Variants in CCDC171 observed in about 807,000 individuals in gnomAD.
CCDC171 encodes coiled-coil domain-containing protein 171.
Under a neutral mutation model 168.2 loss-of-function variants are expected in CCDC171, and 177 were observed. The observed-to-expected ratio is 1.05, with a 90% CI of 0.93 to 1.19. CCDC171 has a LOEUF of 1.19. Among genes scored for constraint, CCDC171 ranks in the 50% most tolerant of loss-of-function variants. The probability of loss-of-function intolerance (pLI) is 0.00; values close to 1 mark genes in which losing one functional copy is unlikely to be tolerated. For synonymous variants in CCDC171, 687 were observed against 540.8 expected (o/e 1.27, Z -3.75); for missense variants, 1,991 against 1,539.0 (o/e 1.29, Z -4.91).
chr9:15,954,143 C>G (rs577949545), intron 25 of CCDC171, among the ~76,000 whole-genome samples: 59 of 138,688 alleles, frequency 4.3e-4, no homozygotes, highest in Non-Finnish European at 5.8e-4. Flanking sequence ...ATTTCCTCTA[C>G]TTACTTTCTT....
At chr9:16,093,957 G>T in the CCDC171 span, among the ~76,000 whole-genome samples, 6 of 152,156 alleles carry the variant, frequency 3.9e-5, no homozygotes, top group African/African-American at 9.7e-5. Context: ...AGTGCTCCCC[G>T]TTGGCCATGT....
intron 6 of CCDC171, among the ~76,000 whole-genome samples, chr9:16,024,125 C>T (rs1425724308): frequency 1.3e-5 from 2 of 152,068 alleles, no homozygotes; most frequent in South Asian, 2.1e-4. Flanking sequence ...TAGAGTCTCA[C>T]CTAGATCCTC....
chr9:15,814,420 T>C (rs2059480629), intron 21 of CCDC171, among the ~76,000 whole-genome samples: 1 of 152,174 alleles, frequency 6.6e-6, no homozygotes. Flanking sequence ...AATGAAAATT[T>C]AGGAAATGAT....
chr9:15,658,996 C>G (rs1030764333), intron 8 of CCDC171, among the ~76,000 whole-genome samples: 1 of 152,150 alleles, frequency 6.6e-6, no homozygotes, highest in South Asian at 2.1e-4. Context: ...TAGAAGAGAA[C>G]ACCAAGGTTT....
chr9:16,067,244 G>A, the CCDC171 span, among the ~76,000 whole-genome samples: 48 of 152,034 alleles, frequency 3.2e-4, no homozygotes, highest in Middle Eastern at 0.014. Flanking sequence ...GTGTTTTTTG[G>A]CTGTATAAAT....
intron 21 of CCDC171, among the ~76,000 whole-genome samples, chr9:15,813,113 T>TCAAGCCCATTTCCTTCTC (rs2059426077): frequency 6.6e-6 from 1 of 152,246 alleles, no homozygotes; most frequent in Non-Finnish European, 1.5e-5. Flanking sequence ...TAACTGTTCT[T>TCAAGCCCATTTCCTTCTC]CAAGCCCATT....
Position 15,748,951 on chromosome 9 carries a change from A to T in CCDC171, c.2671+3320A>T, listed in dbSNP as rs559788163. 2.0e-4 allele frequency among the ~76,000 whole-genome samples: 30 copies of T among 152,312 alleles called. No individual in the cohort carries two copies. In the South Asian group the frequency reaches 6.2e-3, roughly 32 times the overall value. Reference sequence around the variant, plus strand: ...AGCTAACATCATAATGACAGGATCAAATTCACATATAACAATATTAACCTT... The same window carrying T: ...AGCTAACATCATAATGACAGGATCATATTCACATATAACAATATTAACCTT... On this transcript the variant is annotated intron_variant, in intron 18 of 25. Transcript: ENST00000380701.
chr9:15,593,861 A>G (rs902522276), intron 5 of CCDC171, among the ~76,000 whole-genome samples, 180 bp from the exon 6 acceptor site: 2 of 151,940 alleles, frequency 1.3e-5, no homozygotes, highest in South Asian at 2.1e-4. Flanking sequence ...TTAAATAAAC[A>G]TAGTTTCTCA....
At chr9:15,866,531 A>T (rs557966534) in intron 23 of CCDC171, among the ~76,000 whole-genome samples, 26 of 152,094 alleles carry the variant, frequency 1.7e-4, no homozygotes, top group Non-Finnish European at 3.4e-4. Context: ...TTTTTGCTTT[A>T]ATTATTTTTA....
chr9:15,623,246 C>T, intron 6 of CCDC171, 21 bp from the exon 7 acceptor site: 1 of 1,535,746 alleles, frequency 6.5e-7, no homozygotes, highest in Non-Finnish European at 8.8e-7. Flanking sequence ...TTTATTGATG[C>T]AAAAATGAAT....
At chr9:15,653,876 C>T (rs1414727306) in intron 7 of CCDC171, among the ~76,000 whole-genome samples, 1 of 151,512 alleles carries the variant, frequency 6.6e-6, no homozygotes, top group Admixed American at 6.6e-5. Context: ...CTCAGCTTCC[C>T]AAAGTGACGG....
chr9:15,777,745 G>T lies in CCDC171; in HGVS notation c.2817G>T (p.Leu939=). 6.2e-7 allele frequency: 1 copy of T among 1,613,984 alleles called. No individual in the cohort carries two copies. Among genetic ancestry groups the T allele is most frequent in the Non-Finnish European group, 8.5e-7 (1 of 1,179,996 alleles). ...RSITYVEKDS[L]VQRLAHGLHK... ...TTACATATGTAGAAAAAGATTCCCT[G>T]GTTCAGAGGCTGGCCCATGGACTTC... is the stretch of plus-strand genomic sequence containing the variant. Residue 939 remains leucine, a synonymous_variant, in exon 19 of 26, where the codon CTG becomes CTT. Coordinates refer to ENST00000380701, the MANE Select transcript of CCDC171 (RefSeq NM_173550.4).
At chr9:16,013,267 C>G (rs1012777795) in intron 3 of CCDC171, among the ~76,000 whole-genome samples, 2 of 152,192 alleles carry the variant, frequency 1.3e-5, no homozygotes, top group Non-Finnish European at 2.9e-5. Context: ...ATCACAGCCT[C>G]TCCAGTCAGG....
chr9:15,898,799 C>T (rs1821251152), intron 24 of CCDC171, among the ~76,000 whole-genome samples: 1 of 152,096 alleles, frequency 6.6e-6, no homozygotes, highest in East Asian at 1.9e-4. Context: ...TTATATCTTA[C>T]ATCAGTTTAG....
chr9:15,605,601 C>T (rs1330039335), intron 6 of CCDC171, among the ~76,000 whole-genome samples: 2 of 149,514 alleles, frequency 1.3e-5, no homozygotes, highest in South Asian at 2.1e-4. Flanking sequence ...GCAGGAGAAT[C>T]GCTTGAACCC....
At position 15,874,641 on chromosome 9, in the gene CCDC171, G is replaced by A; in HGVS notation, c.3578G>A (p.Gly1193Glu). 2 of 1,588,152 alleles carry A rather than the reference G, an allele frequency of 1.3e-6. No homozygotes were observed. Among genetic ancestry groups the A allele is most frequent in the South Asian group, 1.2e-5 (1 of 86,936 alleles). The change falls in exon 24 of 26, where the codon GGG becomes GAG. Residue 1193 changes from glycine to glutamate, a missense_variant. By Grantham distance (98) the Gly-to-Glu change is moderately conservative. Coordinates refer to ENST00000380701, the MANE Select transcript of CCDC171 (RefSeq NM_173550.4). ...ETFAMEGLKG[G>E]PEVVACQAMI... ...TTTGCAATGGAGGGGCTCAAGGGCGGGCCAGAGGTGGTAGCATGCCAGGTT... is the reference window on the plus strand; with the variant it reads ...TTTGCAATGGAGGGGCTCAAGGGCGAGCCAGAGGTGGTAGCATGCCAGGTT...
rs1226920675 is a variant in CCDC171, at chr9:15,745,750, T to G, written c.2671+119T>G. The G allele has an allele frequency of 1.0e-5, 6 of 580,932 alleles. 1 individual carries two copies. The highest frequency in any genetic ancestry group is 1.8e-5 in the Non-Finnish European group (6 of 341,624). The allele number at this position is 580,932 out of a possible 1,614,324, so 36.0% of individuals were successfully genotyped here. A position where few individuals can be genotyped will look rare whatever the true frequency, so the allele number is the denominator to read the frequency against. On this transcript the variant is annotated intron_variant, in intron 18 of 25. Transcript: ENST00000380701. ...GGAAATATATTTGTTTTTATCTTTATTTTATTCAGTCATAGAGAGATTGTT... is the reference window on the plus strand; with the variant it reads ...GGAAATATATTTGTTTTTATCTTTAGTTTATTCAGTCATAGAGAGATTGTT...
At chr9:15,910,255 C>T (rs571666777) in intron 24 of CCDC171, among the ~76,000 whole-genome samples, 59 of 151,944 alleles carry the variant, frequency 3.9e-4, no homozygotes, top group Middle Eastern at 3.4e-3. Flanking sequence ...GACTTCATAT[C>T]TTTGTTATTA....
intron 9 of CCDC171, among the ~76,000 whole-genome samples, chr9:15,670,578 A>G (rs1174600356): frequency 6.6e-6 from 1 of 151,936 alleles, no homozygotes; most frequent in Non-Finnish European, 1.5e-5. Flanking sequence ...TTAAATATCT[A>G]TTGGCTTCTA....
Sources: gnomAD v4.1 joint callset for allele counts (sites outside exome capture counted in the v4.1 genomes callset) on GRCh38, gnomAD v4.1.1 for gene constraint, MANE v1.5 for transcripts, NCBI Gene and HGNC (gene_info 2026-07-23, HGNC 2026-07-21) for gene names.